The following DOCK8 variants were observed in gnomAD, a reference collection of about 807,000 sequenced individuals.
The protein encoded by DOCK8 is dedicator of cytokinesis protein 8.
DOCK8 carries 141 observed loss-of-function variants against 245.6 expected under a neutral mutation model. The ratio of observed to expected loss-of-function variants is 0.57; its 90% CI spans 0.50 to 0.66. The LOEUF (loss-of-function observed/expected upper bound fraction) is 0.66. Among genes scored for constraint, DOCK8 ranks in the 30% least tolerant of loss-of-function variants. DOCK8 has a pLI of 0.00. For missense variants in DOCK8, 2,965 were observed against 2,603.4 expected, an observed-to-expected ratio of 1.14 and a Z score of -3.02; for synonymous variants, 1,168 against 970.2, an observed-to-expected ratio of 1.20 and a Z score of -3.79.
chr9:263,022 C>T (rs544115031), intron 1 of DOCK8, among the ~76,000 whole-genome samples: 12 of 152,212 alleles, frequency 7.9e-5, no homozygotes, highest in South Asian at 2.1e-4. Context: ...GCCTAGCCAA[C>T]GTGGTGAAAC....
intron 20 of DOCK8, among the ~76,000 whole-genome samples, chr9:378,377 G>C (rs1382286504): frequency 6.6e-6 from 1 of 152,244 alleles, no homozygotes; most frequent in Non-Finnish European, 1.5e-5. Flanking sequence ...GTTGGTGGTG[G>C]AACAGAAGCA....
chr9:276,830 A>G (rs752975418), intron 2 of DOCK8, among the ~76,000 whole-genome samples: 1 of 152,190 alleles, frequency 6.6e-6, no homozygotes, highest in Non-Finnish European at 1.5e-5. Flanking sequence ...TTATTTAGAG[A>G]CAGGGCCTTG....
At chr9:334,084 TA>T in intron 10 of DOCK8, 140 bp from the exon 11 acceptor site, 1 of 923,830 alleles carries the variant, frequency 1.1e-6, no homozygotes, top group Non-Finnish European at 1.7e-6. Context: ...TCACTGTTTT[TA>T]TTTTTTAGTG....
intron 2 of DOCK8, among the ~76,000 whole-genome samples, chr9:272,162 C>T (rs2129948646): frequency 6.6e-6 from 1 of 152,212 alleles, no homozygotes; most frequent in Middle Eastern, 3.4e-3. Flanking sequence ...TAATAAAATT[C>T]ACACATTTTA....
chr9:371,592 C>T (rs1180758231), intron 17 of DOCK8, 26 bp downstream of exon 17: 1 of 1,613,982 alleles, frequency 6.2e-7, no homozygotes, highest in Admixed American at 1.7e-5. Context: ...CCTGCTGACT[C>T]ACACTGCAGT....
At chr9:230,924 T>C (rs1356300061) in intron 1 of DOCK8, among the ~76,000 whole-genome samples, 5 of 152,064 alleles carry the variant, frequency 3.3e-5, no homozygotes, top group Non-Finnish European at 7.4e-5. Context: ...CATTTGTCAA[T>C]TGTGGCTTTT....
At chr9:376,891 T>C (rs1563982671) in intron 19 of DOCK8, 86 bp from the exon 20 acceptor site, 1 of 1,205,364 alleles carries the variant, frequency 8.3e-7, no homozygotes, top group Admixed American at 2.0e-5. Flanking sequence ...GTTCTACCCA[T>C]AAAGAGCTAT....
At chr9:384,693 G>C (rs919148408) in intron 22 of DOCK8, among the ~76,000 whole-genome samples, 2 of 152,130 alleles carry the variant, frequency 1.3e-5, no homozygotes, top group Admixed American at 6.5e-5. Flanking sequence ...GAGGCGGGCA[G>C]ATCACGAGGT....
chr9:304,664 T>C lies in DOCK8; in HGVS notation c.488T>C (p.Phe163Ser), dbSNP rs1481845903. 2 of 1,614,196 alleles carry C rather than the reference T, an allele frequency of 1.2e-6. No individual in the cohort carries two copies. The highest frequency in any genetic ancestry group is 1.1e-5 in the South Asian group (1 of 91,090). Reference sequence around the variant, plus strand: ...CACAAGACGCTTCCGAAACAGACGTTTGAGTCGGAAACCTTGGAGTGCAGT... The same window carrying C: ...CACAAGACGCTTCCGAAACAGACGTCTGAGTCGGAAACCTTGGAGTGCAGT... ...DFHKTLPKQT[F>S]ESETLECSEP... Residue 163 changes from phenylalanine (F) to serine (S), a missense_variant, in exon 5 of 48, where the codon TTT becomes TCT. This residue lies in a region of DOCK8 where 2,825 missense variants were observed against 2,453.5 expected (regional missense o/e 1.15). Coordinates refer to ENST00000432829, the MANE Select transcript of DOCK8 (RefSeq NM_203447.4).
rs547593521 is a variant in DOCK8, at chr9:297,215, G to T, written c.405-7366G>T. ...AATCCTCACAATAGGTCCTCAAAATGAGCAACATTTCCCCCTATTTCATAC... is the reference window on the plus strand; with the variant it reads ...AATCCTCACAATAGGTCCTCAAAATTAGCAACATTTCCCCCTATTTCATAC... On this transcript the variant is annotated intron_variant, in intron 4 of 47. Transcript: ENST00000432829. Among the ~76,000 whole-genome samples, 4 of 152,278 alleles carry T rather than the reference G, an allele frequency of 2.6e-5. No individual in the cohort carries two copies. The South Asian group carries it at 8.3e-4, about 32-fold the overall frequency.
chr9:367,938 A>T, intron 14 of DOCK8, 80 bp from the exon 15 acceptor site: 1 of 1,176,242 alleles, frequency 8.5e-7, no homozygotes, highest in South Asian at 1.2e-5. Context: ...CCATGAATGG[A>T]AGTCTCAGCA....
chr9:336,533 T>A (rs751461459), intron 11 of DOCK8, 49 bp from the exon 12 acceptor site: 3 of 1,613,096 alleles, frequency 1.9e-6, no homozygotes, highest in Middle Eastern at 3.3e-4. Context: ...AACTGCTGTG[T>A]GTTTGAACAG....
At chr9:251,516 C>T (rs915385720) in intron 1 of DOCK8, among the ~76,000 whole-genome samples, 1 of 152,148 alleles carries the variant, frequency 6.6e-6, no homozygotes, top group African/African-American at 2.4e-5. Context: ...GCTAAGCTTT[C>T]CATTGCCAAG....
chr9:399,678 T>G (rs929323248), intron 26 of DOCK8, among the ~76,000 whole-genome samples: 20 of 147,212 alleles, frequency 1.4e-4, no homozygotes, highest in Admixed American at 1.3e-3. Flanking sequence ...GAAAGAACCT[T>G]TTTAAAGTGT....
intron 4 of DOCK8, among the ~76,000 whole-genome samples, chr9:303,324 A>G (rs2049644504): frequency 1.3e-5 from 2 of 152,236 alleles, no homozygotes; most frequent in African/African-American, 4.8e-5. Flanking sequence ...TACAAAAACG[A>G]CACATGCACT....
chr9:235,794 C>T (rs1035925230), intron 1 of DOCK8, among the ~76,000 whole-genome samples: 4 of 152,170 alleles, frequency 2.6e-5, no homozygotes, highest in Non-Finnish European at 4.4e-5. Context: ...TTTCCGGGTG[C>T]CGTCTGTCAC....
At chr9:324,820 T>C (rs74739481) in intron 7 of DOCK8, among the ~76,000 whole-genome samples, 6,326 of 152,292 alleles carry the variant, frequency 0.042, 219 homozygotes, top group Admixed American at 0.11. Flanking sequence ...ACAGATTCTA[T>C]CCTTTAAATT....
At chr9:416,150 A>G (rs1454501328) in intron 29 of DOCK8, among the ~76,000 whole-genome samples, 1 of 152,214 alleles carries the variant, frequency 6.6e-6, no homozygotes, top group East Asian at 1.9e-4. Context: ...CCAGAGTGCA[A>G]GGAAATGATA....
At chr9:399,929 C>A (rs1293802858) in intron 26 of DOCK8, among the ~76,000 whole-genome samples, 1 of 151,822 alleles carries the variant, frequency 6.6e-6, no homozygotes, top group Non-Finnish European at 1.5e-5. Context: ...TACCACCAGC[C>A]ACCACCATTC....
Sources: allele counts gnomAD v4.1 joint callset (sites outside exome capture counted in the v4.1 genomes callset), GRCh38; gene constraint gnomAD v4.1.1; regional missense constraint gnomAD v4.1.1; transcripts MANE v1.5; gene names NCBI Gene and HGNC (gene_info 2026-07-23, HGNC 2026-07-21).